The following HDAC5 variants were observed in gnomAD, a reference collection of about 807,000 sequenced individuals.
HDAC5 encodes the protein antigen NY-CO-9.
HDAC5 carries 25 observed loss-of-function variants against 133.3 expected under a neutral mutation model. That is an observed-to-expected ratio of 0.19 (90% confidence interval 0.14 to 0.26). HDAC5 has a LOEUF of 0.26. HDAC5 is among the 10% of genes least tolerant of loss of function. HDAC5 has a pLI of 1.00. For synonymous variants in HDAC5, 589 were observed against 610.8 expected (o/e 0.96, Z 0.53); for missense variants, 1,041 against 1,460.5 (o/e 0.71, Z 4.68).
chr17:44,116,697 C>T (rs385442), intron 2 of HDAC5, among the ~76,000 whole-genome samples: 27 of 152,120 alleles, frequency 1.8e-4, no homozygotes, highest in Admixed American at 9.2e-4. Context: ...GACCACACTG[C>T]CCCAGGACCC....
At chr17:44,114,015 AG>A (rs2052494408) in intron 2 of HDAC5, among the ~76,000 whole-genome samples, 1 of 79,798 alleles carries the variant, frequency 1.3e-5, no homozygotes, top group Non-Finnish European at 2.1e-5. Flanking sequence ...GCCATGTGCC[AG>A]CCAGGCCCCA....
At chr17:44,082,428 G>A (rs2050438778) in intron 20 of HDAC5, 157 bp downstream of exon 20, 2 of 613,724 alleles carry the variant, frequency 3.3e-6, no homozygotes. Flanking sequence ...CATCCGGCAG[G>A]AGCCCCAGCG....
At position 44,082,573 on chromosome 17, in the gene HDAC5, C is replaced by G. The variant is rs1302802189; in HGVS notation, c.2607+12G>C. 1.2e-6 allele frequency: 2 copies of G among 1,609,736 alleles called. No individual in the cohort carries two copies. Among genetic ancestry groups the G allele is most frequent in the Non-Finnish European group, 8.5e-7 (1 of 1,176,026 alleles). ...ACCCGCCCCTGCCCAGCCCCACCAGCTCACTGCCTACCCAGTCCACGATGA... is the reference window on the plus strand; with the variant it reads ...ACCCGCCCCTGCCCAGCCCCACCAGGTCACTGCCTACCCAGTCCACGATGA... On this transcript the variant is annotated intron_variant, in intron 20 of 26. Coordinates refer to ENST00000682912, the MANE Select transcript of HDAC5 (RefSeq NM_005474.5).
Position 44,085,312 on chromosome 17 carries a change from C to CCT in HDAC5, c.2051-159_2051-158dup. 3 of 579,948 alleles carry CCT rather than the reference C, an allele frequency of 5.2e-6. No individual in the cohort carries two copies. In the South Asian group the frequency reaches 1.2e-4, roughly 24 times the overall value. The allele number at this position is 579,948 out of a possible 1,614,324, so 35.9% of individuals were successfully genotyped here. The stretch of plus-strand genomic sequence containing the variant: ...CAGCCACCCTGCCACAAACCTGCCC[C>CCT]CTCTCCTCTCCAGCTTTTTTTTTTT... On this transcript the variant is annotated intron_variant, in intron 14 of 26. Transcript: ENST00000682912.
In HDAC5 at chr17:44,105,929, G is replaced by A. The variant is rs77363818; in HGVS notation, c.94+4800C>T. Among the ~76,000 whole-genome samples the A allele has an allele frequency of 2.4e-3, 365 of 152,314 alleles. 3 individuals are homozygous for A. Among genetic ancestry groups the A allele is most frequent in the Middle Eastern group, 0.014 (4 of 294 alleles). On this transcript the variant is annotated intron_variant, in intron 3 of 26. Coordinates refer to ENST00000682912, the MANE Select transcript of HDAC5 (RefSeq NM_005474.5). ...CCTGAGACATGAGTTTAAATCACTG[G>A]TTCCTGGGCTGCCCTACAGAATCCA...
At chr17:44,085,239 T>C in intron 14 of HDAC5, 84 bp from the exon 15 acceptor site, 3 of 1,371,962 alleles carry the variant, frequency 2.2e-6, no homozygotes, top group Non-Finnish European at 1.9e-6. Flanking sequence ...GCAGGGCTCA[T>C]GGAGCTGTCT....
At chr17:44,094,696 G>A (rs2051150313) in intron 3 of HDAC5, among the ~76,000 whole-genome samples, 1 of 151,768 alleles carries the variant, frequency 6.6e-6, no homozygotes, top group Admixed American at 6.6e-5. Context: ...GTGACTACTC[G>A]ACGCATTTTA....
At chr17:44,082,967 G>C in intron 18 of HDAC5, 147 bp from the exon 19 acceptor site, 1 of 717,212 alleles carries the variant, frequency 1.4e-6, no homozygotes, top group Non-Finnish European at 2.4e-6. Context: ...ATTTTGTTGG[G>C]GTTTCTTTGT....
intron 9 of HDAC5, 67 bp downstream of exon 9, chr17:44,092,105 G>T: frequency 7.3e-7 from 1 of 1,375,208 alleles, no homozygotes; most frequent in Non-Finnish European, 1.0e-6. Context: ...GGAAGGAGCT[G>T]CACTCTTTCT....
At position 44,117,501 on chromosome 17, in the gene HDAC5, G is replaced by C. The variant is rs1473645930; in HGVS notation, c.15C>G (p.Asn5Lys). 2 of 1,614,066 alleles carry C rather than the reference G, an allele frequency of 1.2e-6. No individual in the cohort carries two copies. The highest frequency in any genetic ancestry group is 2.2e-5 in the East Asian group (1 of 44,884). MNSPNESDGMSGREP... is the reference protein window; with the variant it reads MNSPKESDGMSGREP... ...CAACCTCCCAGCTCTTACCCGACTC[G>C]TTGGGAGAGTTCATGCCGGCTCTGG... The change falls in exon 2 of 27, where the codon AAC (asparagine) becomes AAG (lysine). Residue 5 changes from asparagine (N) to lysine (K), a missense_variant. Asn to Lys is a moderately conservative substitution (Grantham distance 94). This residue lies in a region of HDAC5 where 93 missense variants were observed against 98.8 expected (regional missense o/e 0.94). Coordinates refer to ENST00000682912, the MANE Select transcript of HDAC5 (RefSeq NM_005474.5). This position sits in a 1 kb window ranked among gnomAD's most constrained non-coding sequence, Gnocchi z 4.2.
At position 44,092,177 on chromosome 17, in the gene HDAC5, T is replaced by A; in HGVS notation, c.1027A>T (p.Thr343Ser). 1.2e-6 allele frequency: 2 copies of A among 1,612,996 alleles called. No individual in the cohort carries two copies. Among genetic ancestry groups the A allele is most frequent in the Non-Finnish European group, 1.7e-6 (2 of 1,179,214 alleles). Residue 343 changes from threonine (T) to serine (S), a missense_variant, in exon 9 of 27, where the codon ACT becomes TCT. Thr to Ser is a moderately conservative substitution (Grantham distance 58). Coordinates refer to ENST00000682912, the MANE Select transcript of HDAC5 (RefSeq NM_005474.5). The stretch of plus-strand genomic sequence containing the variant: ...GCCCCCAGCCAGGCCTGTACCTCAG[T>A]GGGGATGTTGGGGACTGAGCCAGTA... Reference protein sequence around the residue: ...GFTGSVPNIPTEMLPQHRALP... With the variant: ...GFTGSVPNIPSEMLPQHRALP...
intron 3 of HDAC5, among the ~76,000 whole-genome samples, chr17:44,102,565 T>C: frequency 6.6e-6 from 1 of 151,908 alleles, no homozygotes; most frequent in Non-Finnish European, 1.5e-5. Flanking sequence ...TTCACCATGT[T>C]GGCCAGGCTG....
chr17:44,099,219 AAT>A (rs1424755338), intron 3 of HDAC5, among the ~76,000 whole-genome samples: 1 of 152,178 alleles, frequency 6.6e-6, no homozygotes, highest in East Asian at 1.9e-4. Context: ...CTCTGATGGG[AAT>A]CGAGAGGCCA....
chr17:44,098,509 C>T (rs71371970), intron 3 of HDAC5, among the ~76,000 whole-genome samples: 2,510 of 152,228 alleles, frequency 0.016, 81 homozygotes, highest in African/African-American at 0.058. Context: ...GAGGCTGAGG[C>T]GGGCGGATCA....
chr17:44,095,029 A>C (rs1334417586), intron 3 of HDAC5, among the ~76,000 whole-genome samples: 2 of 152,128 alleles, frequency 1.3e-5, no homozygotes, highest in African/African-American at 4.8e-5. Context: ...TCCTAGGCTC[A>C]AGCGATCCTC....
chr17:44,078,434 G>A lies in HDAC5; in HGVS notation c.3330-19C>T, dbSNP rs575063245. ...TGCCGGCCTGTGGGGCAAGCACAGG[G>A]GAGGGTATTGAGTGGGGCGCACCAG... On this transcript the variant is annotated intron_variant, in intron 26 of 26. Transcript: ENST00000682912. 2.3e-5 allele frequency: 35 copies of A among 1,553,264 alleles called. 1 individual carries two copies. In the South Asian group the frequency reaches 4.0e-4, roughly 18 times the overall value.
chr17:44,079,965 G>A, intron 23 of HDAC5, 142 bp downstream of exon 23: 1 of 688,574 alleles, frequency 1.5e-6, no homozygotes, highest in South Asian at 1.6e-5. Context: ...AGTTGGGGGA[G>A]TTACCAAGAT....
chr17:44,116,996 C>T (rs2052689250), intron 2 of HDAC5, among the ~76,000 whole-genome samples: 1 of 152,188 alleles, frequency 6.6e-6, no homozygotes, highest in South Asian at 2.1e-4. Context: ...CCCAATGCCA[C>T]GCACCTGCAC....
chr17:44,115,061 G>T (rs1199145832), intron 2 of HDAC5, among the ~76,000 whole-genome samples: 3 of 152,198 alleles, frequency 2.0e-5, no homozygotes, highest in African/African-American at 7.2e-5. Flanking sequence ...AGTCTCTCTT[G>T]CTAACATGTT....
Sources: allele counts gnomAD v4.1 joint callset (sites outside exome capture counted in the v4.1 genomes callset), GRCh38; gene constraint gnomAD v4.1.1; regional missense constraint gnomAD v4.1.1; non-coding constraint Gnocchi (gnomAD v3.1); transcripts MANE v1.5; gene names NCBI Gene and HGNC (gene_info 2026-07-23, HGNC 2026-07-21).